The following WWTR1 variants were observed in gnomAD, a reference collection of about 807,000 sequenced individuals.
WWTR1 encodes the protein WW domain containing transcription regulator 1.
Under a neutral mutation model 40.1 loss-of-function variants are expected in WWTR1, and 13 were observed. That is an observed-to-expected ratio of 0.32 (90% CI 0.21 to 0.52). The LOEUF is 0.52. Among genes scored for constraint, WWTR1 ranks in the 20% least tolerant of loss-of-function variants. WWTR1 has a pLI of 0.97. For missense variants in WWTR1, 436 were observed against 523.1 expected, an observed-to-expected ratio of 0.83 and a Z score of 1.63; for synonymous variants, 230 against 210.1, an observed-to-expected ratio of 1.09 and a Z score of -0.82.
chr3:149,654,906 G>A (rs941595929), intron 2 of WWTR1, among the ~76,000 whole-genome samples: 5 of 141,596 alleles, frequency 3.5e-5, no homozygotes, highest in Non-Finnish European at 6.2e-5. Flanking sequence ...GGCAGATCAC[G>A]AGGTCAGGAG....
Position 149,527,868 on chromosome 3 carries a change from G to A in WWTR1, c.873C>T (p.Ile291=). 1 of 1,614,112 alleles carries A rather than the reference G, an allele frequency of 6.2e-7. No homozygotes were observed. ...PPTMTPDMRS[I]TNNSSDPFLN... is the part of the protein sequence containing the mutation. ...GGAAAGGATCTGAGCTATTATTAGT[G>A]ATGGATCTCATGTCTGGGGTCATCG... is the stretch of plus-strand genomic sequence containing the variant. Residue 291 remains isoleucine, a synonymous_variant, in exon 5 of 7, where the codon ATC becomes ATT. Coordinates refer to ENST00000360632, the MANE Select transcript of WWTR1 (RefSeq NM_015472.6).
upstream of WWTR1, among the ~76,000 whole-genome samples, chr3:149,705,873 T>A (rs766790439): frequency 3.9e-5 from 6 of 152,210 alleles, no homozygotes; most frequent in Non-Finnish European, 5.9e-5. Context: ...AAAATCTGTT[T>A]ATTTAACTAC....
chr3:149,674,364 G>A (rs1412059102), intron 1 of WWTR1, among the ~76,000 whole-genome samples: 8 of 152,128 alleles, frequency 5.3e-5, no homozygotes, highest in Middle Eastern at 3.4e-3. Flanking sequence ...CGAGGCAGGC[G>A]GATCACGAGG....
At chr3:149,684,184 T>C (rs983610731) in intron 1 of WWTR1, among the ~76,000 whole-genome samples, 1 of 151,988 alleles carries the variant, frequency 6.6e-6, no homozygotes, top group African/African-American at 2.4e-5. Context: ...AGAAAATATA[T>C]ATATATATAA....
chr3:149,576,608 A>T (rs1737892040), intron 2 of WWTR1, among the ~76,000 whole-genome samples: 2 of 152,252 alleles, frequency 1.3e-5, no homozygotes, highest in South Asian at 4.1e-4. Flanking sequence ...ACACATATAC[A>T]AATATATTTA....
intron 2 of WWTR1, among the ~76,000 whole-genome samples, chr3:149,611,027 G>T (rs538270320): frequency 1.4e-4 from 21 of 152,026 alleles, no homozygotes; most frequent in Admixed American, 3.9e-4. Flanking sequence ...TGGTTCATAT[G>T]CCTGTGATCC....
intron 2 of WWTR1, among the ~76,000 whole-genome samples, 153 bp from the exon 3 acceptor site, chr3:149,573,153 T>G (rs1467766044): frequency 1.3e-5 from 2 of 152,190 alleles, no homozygotes; most frequent in African/African-American, 4.8e-5. Flanking sequence ...AAGGACATAC[T>G]TGCCTATTTT....
intron 2 of WWTR1, among the ~76,000 whole-genome samples, chr3:149,646,972 T>A (rs563310626): frequency 1.3e-5 from 2 of 152,022 alleles, no homozygotes; most frequent in African/African-American, 4.8e-5. Context: ...TGGAATACTA[T>A]GTGGTCCTTA....
At position 149,572,947 on chromosome 3, in the gene WWTR1, G is replaced by A; in HGVS notation, c.485C>T (p.Pro162Leu). The A allele has an allele frequency of 6.2e-7, 1 of 1,613,450 alleles. No individual in the cohort carries two copies. The highest frequency in any genetic ancestry group is 8.5e-7 in the Non-Finnish European group (1 of 1,179,838). The change falls in exon 3 of 7, where the codon CCT (proline) becomes CTT (leucine). Residue 162 changes from proline (P) to leucine (L), a missense_variant. By Grantham distance (98) the Pro-to-Leu change is moderately conservative. Transcript: ENST00000360632. ...WQDPRKAMNQ[P>L]LNHMNLHPAV... ...AGGGTGGAGGTTCATATGATTCAGA[G>A]GCTGATTCATCGCCTTCCTAGGGTC...
In WWTR1 at chr3:149,657,317, A is replaced by T; in HGVS notation, c.-3-8T>A. ...CGAGGCCGGATTCATCTTCTGCAAA[A>T]AGAAGGTCAGATCAGCCTTTTATTT... On this transcript the variant is annotated splice_polypyrimidine_tract_variant and splice_region_variant and intron_variant, in intron 1 of 6. Transcript: ENST00000360632. The T allele has an allele frequency of 6.2e-7, 1 of 1,604,004 alleles. No homozygotes were observed. Among genetic ancestry groups the T allele is most frequent in the Non-Finnish European group, 8.5e-7 (1 of 1,174,540 alleles).
intron 2 of WWTR1, among the ~76,000 whole-genome samples, chr3:149,580,631 G>A (rs1210638567): frequency 6.6e-6 from 1 of 152,182 alleles, no homozygotes; most frequent in African/African-American, 2.4e-5. Context: ...GTTTGTTTTT[G>A]AGACGGAGTT....
rs181248169 is a variant in WWTR1 at position 149,518,110 on chromosome 3, G to T, written c.*2695C>A. 5 of 152,058 alleles carry T rather than the reference G, an allele frequency of 3.3e-5. No homozygotes were observed. The highest frequency in any genetic ancestry group is 3.3e-4 in the Admixed American group (5 of 15,266). The allele number at this position is 152,058 out of a possible 1,614,324, so 9.4% of individuals were successfully genotyped here. A position where few individuals can be genotyped will look rare whatever the true frequency, so the allele number is the denominator to read the frequency against. ...CTAACTTTAGTGTTCTTTAACAAAG[G>T]CCATATTTTGTGGCCTTAAAAACAA... On this transcript the variant is annotated 3_prime_UTR_variant, in exon 7 of 7. Transcript: ENST00000360632.
intron 2 of WWTR1, among the ~76,000 whole-genome samples, chr3:149,664,524 A>G (rs1429995195): frequency 2.6e-5 from 4 of 152,024 alleles, no homozygotes; most frequent in African/African-American, 9.7e-5. Flanking sequence ...TGTTCTTAAT[A>G]AATGCATCAC....
chr3:149,657,073 C>A lies in WWTR1; in HGVS notation c.234G>T (p.Leu78=). ...AGCGGACATGCTGGGCACCCCCAGC[C>A]AGTCGAGGCCCCGGGTGGCCGCCCG... ...DSSGGHPGPR[L]AGGAQHVRSH... Residue 78 remains leucine, a synonymous_variant, in exon 2 of 7, where the codon CTG becomes CTT. Transcript: ENST00000360632. 6.4e-7 allele frequency: 1 copy of A among 1,568,876 alleles called. No individual in the cohort carries two copies. The highest frequency in any genetic ancestry group is 8.6e-7 in the Non-Finnish European group (1 of 1,161,120).
chr3:149,576,749 TA>T (rs1330648569), intron 2 of WWTR1, among the ~76,000 whole-genome samples: 1 of 151,910 alleles, frequency 6.6e-6, no homozygotes, highest in Non-Finnish European at 1.5e-5. Context: ...GGCTCACTGG[TA>T]ATTTTTTTTT....
intron 1 of WWTR1, among the ~76,000 whole-genome samples, chr3:149,692,861 C>T (rs1714869109): frequency 6.6e-6 from 1 of 152,094 alleles, no homozygotes; most frequent in Admixed American, 6.5e-5. Flanking sequence ...TCGTGAACTC[C>T]TGACCTCAGG....
chr3:149,683,690 C>T (rs1714535321), intron 1 of WWTR1, among the ~76,000 whole-genome samples: 1 of 151,564 alleles, frequency 6.6e-6, no homozygotes, highest in Non-Finnish European at 1.5e-5. Context: ...CAAGATTCTG[C>T]CTTTAAAAAA....
At chr3:149,625,283 T>C (rs1740495553) in intron 2 of WWTR1, among the ~76,000 whole-genome samples, 1 of 151,450 alleles carries the variant, frequency 6.6e-6, no homozygotes, top group African/African-American at 2.4e-5. Context: ...CACGCCCGGC[T>C]AATTTTTTGT....
chr3:149,609,068 CA>C (rs59361526), intron 2 of WWTR1, among the ~76,000 whole-genome samples: 74 of 151,380 alleles, frequency 4.9e-4, no homozygotes, highest in South Asian at 4.6e-3. Context: ...GACCTTGTCT[CA>C]AAAAAAACCT....
Sources: allele counts gnomAD v4.1 joint callset (sites outside exome capture counted in the v4.1 genomes callset), GRCh38; gene constraint gnomAD v4.1.1; transcripts MANE v1.5; gene names NCBI Gene and HGNC (gene_info 2026-07-23, HGNC 2026-07-21).